Variants in TTN observed in about 807,000 individuals in gnomAD.
TTN encodes connectin.
In TTN, 1,525 loss-of-function variants were observed where a neutral mutation model predicts 3,223.0. The observed-to-expected ratio is 0.47, with a 90% CI of 0.45 to 0.49. The LOEUF is 0.49. Ranked by LOEUF, TTN falls within the 20% of genes least tolerant of loss-of-function variation. The probability of loss-of-function intolerance (pLI) is 0.00; values close to 1 mark genes in which losing one functional copy is unlikely to be tolerated. For synonymous variants in TTN, 14,094 were observed against 15,161.0 expected (o/e 0.93, Z 5.17); for missense variants, 40,786 against 43,424.0 (o/e 0.94, Z 5.40).
Position 178,773,337 on chromosome 2 carries a change from T to A in TTN, c.7627A>T (p.Thr2543Ser), listed in dbSNP as rs1235975966. The A allele has an allele frequency of 1.9e-6, 3 of 1,613,982 alleles. No individual in the cohort carries two copies. Among genetic ancestry groups the A allele is most frequent in the Admixed American group, 1.7e-5 (1 of 60,002 alleles). The change falls in exon 33 of 363, where the codon ACC (threonine) becomes TCC (serine). Residue 2543 changes from threonine to serine, a missense_variant. Transcript: ENST00000589042. ...IKIIRGLRDL[T>S]CTETQNVVFE... ...ACCACATTTTGAGTTTCTGTACAGG[T>A]AAGGTCACGAAGACCTCTGATAATT... is the stretch of plus-strand genomic sequence containing the variant.
chr2:178,559,570 C>T lies in TTN; in HGVS notation c.86562G>A (p.Val28854=). ...CTGCAGACTCTTTGGTTACATCTTG[C>T]ACAGTAATGTTGGTTGGAGGACCTG... ...DTPGPPTNIT[V]QDVTKESAVL... Residue 28854 remains valine (V), a synonymous_variant, in exon 326 of 363, where the codon GTG becomes GTA. Transcript: ENST00000589042. The T allele has an allele frequency of 6.2e-7, 1 of 1,613,838 alleles. No homozygotes were observed. Among genetic ancestry groups the T allele is most frequent in the Non-Finnish European group, 8.5e-7 (1 of 1,179,764 alleles).
rs1350573127 is a variant in TTN at position 178,618,016 on chromosome 2, A to T, written c.47335T>A (p.Trp15779Arg). ...DVNRFGVSLTWEPPEYDGGAE... is the reference protein window; with the variant it reads ...DVNRFGVSLTREPPEYDGGAE... ...CCTCCATCATACTCTGGTGGTTCCC[A>T]TGTCAGTGAGACACCAAATCGATTC... Residue 15779 changes from tryptophan (W) to arginine (R), a missense_variant, in exon 253 of 363, where the codon TGG (tryptophan) becomes AGG (arginine). Trp to Arg is a moderately radical substitution (Grantham distance 101, BLOSUM62 -3). Coordinates refer to ENST00000589042, the MANE Select transcript of TTN (RefSeq NM_001267550.2). The T allele has an allele frequency of 6.2e-7, 1 of 1,612,558 alleles. No individual in the cohort carries two copies. The highest frequency in any genetic ancestry group is 8.5e-7 in the Non-Finnish European group (1 of 1,179,112).
chr2:178,679,785 TAAAGTA>T, intron 140 of TTN, 103 bp from the exon 141 acceptor site: 1 of 1,541,670 alleles, frequency 6.5e-7, no homozygotes, highest in Non-Finnish European at 8.8e-7. Flanking sequence ...ATATCTGCTT[TAAAGTA>T]AGCAATCATT....
At chr2:178,528,008 C>A in intron 361 of TTN, 1 of 546,732 alleles carries the variant, frequency 1.8e-6, no homozygotes, top group Non-Finnish European at 3.2e-6. Context: ...AATGATTAGT[C>A]ATATAGAAAG....
chr2:178,661,673 T>TAA, intron 180 of TTN, 86 bp downstream of exon 180: 2 of 710,296 alleles, frequency 2.8e-6, no homozygotes, highest in Non-Finnish European at 3.5e-6. Context: ...TAAAGTATAA[T>TAA]AAAAATATAT....
rs762172061 is a variant in TTN at position 178,731,441 on chromosome 2, A to G, written c.17325T>C (p.Asn5775=). The G allele has an allele frequency of 1.2e-6, 2 of 1,613,650 alleles. No individual in the cohort carries two copies. Among genetic ancestry groups the G allele is most frequent in the Non-Finnish European group, 1.7e-6 (2 of 1,179,768 alleles). Residue 5775 remains asparagine, a synonymous_variant, in exon 59 of 363, where the codon AAT becomes AAC. Coordinates refer to ENST00000589042, the MANE Select transcript of TTN (RefSeq NM_001267550.2). ...CATTGTTCTCAAAGGTCATTCTTAT[A>G]TTATCGTCTTCAGTGATTTCATCGC... ...KDSDEITEDD[N]IRMTFENNVA...
intron 118 of TTN, 43 bp from the exon 119 acceptor site, chr2:178,693,732 G>T: frequency 7.0e-7 from 1 of 1,437,642 alleles, no homozygotes; most frequent in Non-Finnish European, 9.6e-7. Context: ...GCCATGTTGT[G>T]GGTGGTAATT....
At chr2:178,639,849 G>A in intron 222 of TTN, 61 bp from the exon 223 acceptor site, 2 of 1,497,382 alleles carry the variant, frequency 1.3e-6, no homozygotes, top group South Asian at 1.3e-5. Context: ...AACTTATTTG[G>A]TAGCTTATTT....
Position 178,561,059 on chromosome 2 carries a change from A to G in TTN, c.85073T>C (p.Met28358Thr), listed in dbSNP as rs766947305. The G allele has an allele frequency of 1.9e-6, 3 of 1,613,868 alleles. No homozygotes were observed. Among genetic ancestry groups the G allele is most frequent in the Non-Finnish European group, 2.5e-6 (3 of 1,179,798 alleles). Residue 28358 changes from methionine to threonine, a missense_variant, in exon 326 of 363, where the codon ATG becomes ACG. Physicochemically the swap from Met to Thr is moderately conservative, Grantham distance 81. Coordinates refer to ENST00000589042, the MANE Select transcript of TTN (RefSeq NM_001267550.2). ...VKDDVEPPRV[M>T]MDVKFRDVIV... is the part of the protein sequence containing the mutation. ...AACGTCTCGGAACTTGACATCCATC[A>G]TAACTCTTGGAGGCTCAACATCATC...
chr2:178,548,542 C>G lies in TTN; in HGVS notation c.93084G>C (p.Val31028=). ...GPPGPITFKD[V]TRGSATLMWD... The stretch of plus-strand genomic sequence containing the variant: ...ACATCAATGTAGCAGATCCCCGGGT[C>G]ACATCTTTGAAGGTAATTGGGCCAG... Residue 31028 remains valine (V), a synonymous_variant, in exon 339 of 363, where the codon GTG becomes GTC. Coordinates refer to ENST00000589042, the MANE Select transcript of TTN (RefSeq NM_001267550.2). The surrounding 1 kb of genome is among the most constrained non-coding windows in gnomAD (Gnocchi z 4.3). 4 of 1,613,860 alleles carry G rather than the reference C, an allele frequency of 2.5e-6. No homozygotes were observed. Among genetic ancestry groups the G allele is most frequent in the Non-Finnish European group, 3.4e-6 (4 of 1,179,804 alleles).
At position 178,790,737 on chromosome 2, in the gene TTN, G is replaced by C. The variant is rs747286444; in HGVS notation, c.1771C>G (p.Gln591Glu). Residue 591 changes from glutamine (Q) to glutamate (E), a missense_variant, in exon 11 of 363, where the codon CAA (glutamine) becomes GAA (glutamate). Gln to Glu is a conservative substitution (Grantham distance 29, BLOSUM62 2). Transcript: ENST00000589042. Reference protein sequence around the residue: ...PGAQEETTTQQDQMHLSYEKI... With the variant: ...PGAQEETTTQEDQMHLSYEKI... ...TCATAACTTAGGTGCATTTGATCTT[G>C]TTGTGTGGTAGTTTCTTCTTGAGCT... 1 of 1,614,142 alleles carries C rather than the reference G, an allele frequency of 6.2e-7. No homozygotes were observed. Among genetic ancestry groups the C allele is most frequent in the Non-Finnish European group, 8.5e-7 (1 of 1,179,998 alleles).
chr2:178,533,903 G>A lies in TTN; in HGVS notation c.102712C>T (p.Arg34238Cys), dbSNP rs1423837818. The stretch of plus-strand genomic sequence containing the variant: ...CGCTTAATTTTCTTCATGGTTCTAC[G>A]GCAGTAATAGTCATAGACTTCTCTC... Reference protein sequence around the residue: ...GVREVYDYYCRRTMKKIKRRT... With the variant: ...GVREVYDYYCCRTMKKIKRRT... Residue 34238 changes from arginine (R) to cysteine (C), a missense_variant, in exon 358 of 363, where the codon CGT (arginine) becomes TGT (cysteine). Arg to Cys is a radical substitution (Grantham distance 180). Coordinates refer to ENST00000589042, the MANE Select transcript of TTN (RefSeq NM_001267550.2). 13 of 1,613,564 alleles carry A rather than the reference G, an allele frequency of 8.1e-6. No individual in the cohort carries two copies. The highest frequency in any genetic ancestry group is 2.2e-5 in the East Asian group (1 of 44,890).
In TTN at chr2:178,544,048, C is replaced by T. The variant is rs1197841768; in HGVS notation, c.96096G>A (p.Leu32032=). The T allele has an allele frequency of 6.2e-7, 1 of 1,613,624 alleles. No individual in the cohort carries two copies. Among genetic ancestry groups the T allele is most frequent in the Non-Finnish European group, 8.5e-7 (1 of 1,179,688 alleles). The stretch of plus-strand genomic sequence containing the variant: ...TTCCAGATACAGACACCATCAAGCG[C>T]AAGGAGGCCCCAGCCCTGATGGTCA... ...KTVTIRAGAS[L]RLMVSVSGRP... is the part of the protein sequence containing the mutation. The change falls in exon 346 of 363, where the codon TTG becomes TTA. Residue 32032 remains leucine, a synonymous_variant. Coordinates refer to ENST00000589042, the MANE Select transcript of TTN (RefSeq NM_001267550.2).
chr2:178,695,853 G>A lies in TTN; in HGVS notation c.31207+12C>T. Reference sequence around the variant, plus strand: ...AGAAAAGAGGGAAACAAGTCATTCAGTTTATACATACCTTCATAGACCTCC... The same window carrying A: ...AGAAAAGAGGGAAACAAGTCATTCAATTTATACATACCTTCATAGACCTCC... On this transcript the variant is annotated intron_variant, in intron 114 of 362. Coordinates refer to ENST00000589042, the MANE Select transcript of TTN (RefSeq NM_001267550.2). 1.4e-6 allele frequency: 2 copies of A among 1,425,780 alleles called. No homozygotes were observed. The highest frequency in any genetic ancestry group is 3.5e-5 in the South Asian group (2 of 57,620). The allele number at this position is 1,425,780 out of a possible 1,614,324, so 88.3% of individuals were successfully genotyped here.
Position 178,678,477 on chromosome 2 carries a change from G to A in TTN, c.33847C>T (p.Pro11283Ser). The change falls in exon 144 of 363, where the codon CCT becomes TCT. Residue 11283 changes from proline (P) to serine (S), a missense_variant. By Grantham distance (74) the Pro-to-Ser change is moderately conservative. Coordinates refer to ENST00000589042, the MANE Select transcript of TTN (RefSeq NM_001267550.2). ...ACTGGCACCTTCTTCTCAGGCACAGGCTTCTTGGGTACCTCTGGCACTTTA... is the reference window on the plus strand; with the variant it reads ...ACTGGCACCTTCTTCTCAGGCACAGACTTCTTGGGTACCTCTGGCACTTTA... Reference protein sequence around the residue: ...PAKVPEVPKKPVPEKKVPVPA... With the variant: ...PAKVPEVPKKSVPEKKVPVPA... 6.3e-7 allele frequency: 1 copy of A among 1,591,524 alleles called. No individual in the cohort carries two copies.
chr2:178,805,835 A>T (rs945886707), intron 1 of TTN, among the ~76,000 whole-genome samples: 4 of 152,196 alleles, frequency 2.6e-5, no homozygotes, highest in Non-Finnish European at 5.9e-5. Flanking sequence ...TCATAAAGTA[A>T]AATATTCAAC....
At position 178,777,988 on chromosome 2, in the gene TTN, G is replaced by GACAC; in HGVS notation, c.4209-17_4209-14dup. ...TGGAGAGAGAGATCTGCAAAACAAA[G>GACAC]ACACACAATACTTTCGTGAGGCATA... On this transcript the variant is annotated splice_polypyrimidine_tract_variant and intron_variant, in intron 24 of 362. Transcript: ENST00000589042. 1 of 1,612,556 alleles carries GACAC rather than the reference G, an allele frequency of 6.2e-7. No individual in the cohort carries two copies.
In TTN at chr2:178,729,946, C is replaced by G. The variant is rs1374960615; in HGVS notation, c.18308-1G>C. On this transcript the variant is annotated splice_acceptor_variant, in intron 62 of 362. Transcript: ENST00000589042. LOFTEE classifies it high-confidence loss of function. ...GGCTTCTTAATGAATTGAGGAGGTT[C>G]TAAAGATGGAAAAAGAATTGTGATG... 1 of 1,609,090 alleles carries G rather than the reference C, an allele frequency of 6.2e-7. No homozygotes were observed. The highest frequency in any genetic ancestry group is 1.1e-5 in the South Asian group (1 of 89,968).
Position 178,560,878 on chromosome 2 carries a change from T to A in TTN, c.85254A>T (p.Lys28418Asn), listed in dbSNP as rs759051213. The change falls in exon 326 of 363, where the codon AAA becomes AAT. Residue 28418 changes from lysine to asparagine, a missense_variant. Lys to Asn is a moderately conservative substitution (Grantham distance 94). Coordinates refer to ENST00000589042, the MANE Select transcript of TTN (RefSeq NM_001267550.2). Reference sequence around the variant, plus strand: ...GCCCAGTGTCTCGTCTTATACAGTCTTTAACTGTTAACAAAGTATGATTGT... The same window carrying A: ...GCCCAGTGTCTCGTCTTATACAGTCATTAACTGTTAACAAAGTATGATTGT... ...STDNHTLLTV[K>N]DCIRRDTGQY... 6.2e-7 allele frequency: 1 copy of A among 1,613,722 alleles called. No homozygotes were observed. The highest frequency in any genetic ancestry group is 1.1e-5 in the South Asian group (1 of 91,078).
Sources: gnomAD v4.1 joint callset for allele counts (sites outside exome capture counted in the v4.1 genomes callset) on GRCh38, gnomAD v4.1.1 for gene constraint, Gnocchi (gnomAD v3.1) non-coding constraint, MANE v1.5 for transcripts, NCBI Gene and HGNC (gene_info 2026-07-23, HGNC 2026-07-21) for gene names.